ARHGAP24: variants seen among roughly 807,000 people sequenced by gnomAD.
ARHGAP24 encodes the protein Rho GTPase activating protein 24.
Under a neutral mutation model 76.4 loss-of-function variants are expected in ARHGAP24, and 50 were observed. The observed-to-expected ratio is 0.65, with a 90% CI of 0.52 to 0.83. The LOEUF is 0.83. Ranked by LOEUF, ARHGAP24 falls within the 40% of genes least tolerant of loss-of-function variation. ARHGAP24 has a pLI of 0.00. For synonymous variants in ARHGAP24, 345 were observed against 323.3 expected, an observed-to-expected ratio of 1.07 and a Z score of -0.72; for missense variants, 930 against 914.2, an observed-to-expected ratio of 1.02 and a Z score of -0.22.
intron 3 of ARHGAP24, among the ~76,000 whole-genome samples, chr4:85,914,559 T>A (rs1735265100): frequency 6.6e-6 from 1 of 152,220 alleles, no homozygotes. Flanking sequence ...TTATAGGGAA[T>A]ATAAAGTTCA....
chr4:85,502,689 T>C (rs1240289520), intron 1 of ARHGAP24, among the ~76,000 whole-genome samples: 2 of 152,156 alleles, frequency 1.3e-5, no homozygotes, highest in African/African-American at 4.8e-5. Flanking sequence ...ACTTCCTCTT[T>C]TCCTAATTGA....
intron 4 of ARHGAP24, chr4:85,931,046 G>T: frequency 6.2e-7 from 1 of 1,606,972 alleles, no homozygotes; most frequent in South Asian, 1.1e-5. Flanking sequence ...CGGAAAGGTA[G>T]GTAGATAATA....
At chr4:85,935,782 G>A (rs184554187) in intron 4 of ARHGAP24, among the ~76,000 whole-genome samples, 8 of 152,248 alleles carry the variant, frequency 5.3e-5, no homozygotes, top group Non-Finnish European at 1.0e-4. Flanking sequence ...TGCTCCAATG[G>A]TCAAAGACCT....
chr4:85,556,491 G>T (rs796212298), intron 1 of ARHGAP24, among the ~76,000 whole-genome samples: 2 of 152,128 alleles, frequency 1.3e-5, no homozygotes, highest in Admixed American at 6.5e-5. Context: ...CAGGCCCTTT[G>T]TTCCTTCCCC....
intron 1 of ARHGAP24, among the ~76,000 whole-genome samples, chr4:85,524,387 T>A (rs980494323): frequency 3.9e-5 from 6 of 152,160 alleles, no homozygotes; most frequent in Admixed American, 6.6e-5. Flanking sequence ...TTATGTAAAA[T>A]TTCTACCATT....
intron 8 of ARHGAP24, among the ~76,000 whole-genome samples, chr4:85,987,701 G>A (rs1049556286): frequency 1.3e-5 from 2 of 151,906 alleles, no homozygotes; most frequent in Non-Finnish European, 1.5e-5. Context: ...TAGCAGGTTA[G>A]GAGAAAACTT....
chr4:85,582,579 T>C (rs1727662201), intron 2 of ARHGAP24, among the ~76,000 whole-genome samples: 2 of 152,222 alleles, frequency 1.3e-5, no homozygotes, highest in East Asian at 3.9e-4. Context: ...ATTGTATGAG[T>C]AATTCATTTT....
chr4:85,506,913 G>C (rs1353929614), intron 1 of ARHGAP24, among the ~76,000 whole-genome samples: 2 of 152,068 alleles, frequency 1.3e-5, no homozygotes, highest in African/African-American at 4.8e-5. Flanking sequence ...CCCCCATGTG[G>C]AACTTAGAAA....
At chr4:85,506,494 T>A (rs958949668) in intron 1 of ARHGAP24, among the ~76,000 whole-genome samples, 3 of 152,138 alleles carry the variant, frequency 2.0e-5, no homozygotes, top group African/African-American at 7.2e-5. Context: ...TGCAGGTCAA[T>A]CTCATACTGC....
chr4:85,992,919 A>G (rs1338326263), intron 8 of ARHGAP24, among the ~76,000 whole-genome samples: 6 of 152,304 alleles, frequency 3.9e-5, no homozygotes, highest in African/African-American at 1.4e-4. Context: ...CTACGGTTTT[A>G]AATTGCAGCA....
At chr4:85,584,469 A>T (rs1365184371) in intron 2 of ARHGAP24, among the ~76,000 whole-genome samples, 1 of 151,478 alleles carries the variant, frequency 6.6e-6, no homozygotes, top group African/African-American at 2.4e-5. Context: ...GAGGGATAGC[A>T]TTAGGAGATA....
intron 3 of ARHGAP24, among the ~76,000 whole-genome samples, chr4:85,916,356 G>T (rs1735393440): frequency 6.6e-6 from 1 of 152,076 alleles, no homozygotes; most frequent in Non-Finnish European, 1.5e-5. Context: ...CTCCCATTCT[G>T]TAGGTTGCAT....
intron 9 of ARHGAP24, among the ~76,000 whole-genome samples, chr4:85,995,905 TC>T (rs1182989804): frequency 6.6e-6 from 1 of 152,184 alleles, no homozygotes; most frequent in Non-Finnish European, 1.5e-5. Flanking sequence ...ATTGAACATT[TC>T]CCTGGTACAG....
At chr4:85,556,055 G>C (rs1726348394) in intron 1 of ARHGAP24, among the ~76,000 whole-genome samples, 1 of 152,026 alleles carries the variant, frequency 6.6e-6, no homozygotes, top group African/African-American at 2.4e-5. Flanking sequence ...GAGAAACACA[G>C]AGCAACTGCT....
At chr4:85,816,635 T>C (rs993059503) in intron 3 of ARHGAP24, among the ~76,000 whole-genome samples, 1 of 152,222 alleles carries the variant, frequency 6.6e-6, no homozygotes, top group African/African-American at 2.4e-5. Flanking sequence ...TCATTTGGTA[T>C]ACATATATGT....
chr4:85,553,889 T>G (rs567934267), intron 1 of ARHGAP24, among the ~76,000 whole-genome samples: 1 of 152,330 alleles, frequency 6.6e-6, no homozygotes, highest in Admixed American at 6.5e-5. Flanking sequence ...AGACTTGTTT[T>G]TGTGGTTGTC....
intron 2 of ARHGAP24, among the ~76,000 whole-genome samples, chr4:85,573,169 G>T (rs962208582): frequency 2.6e-5 from 4 of 152,092 alleles, no homozygotes; most frequent in Middle Eastern, 3.2e-3. Context: ...GAGTCACTGC[G>T]CCCAGCCTTG....
At chr4:85,808,925 A>G (rs973988225) in intron 3 of ARHGAP24, among the ~76,000 whole-genome samples, 2 of 152,232 alleles carry the variant, frequency 1.3e-5, no homozygotes, top group Admixed American at 6.5e-5. Flanking sequence ...TCTGTGTTAC[A>G]TATGAACTGG....
At chr4:85,803,562 TG>T (rs538745812) in intron 3 of ARHGAP24, among the ~76,000 whole-genome samples, 51 of 152,342 alleles carry the variant, frequency 3.3e-4, no homozygotes, top group African/African-American at 1.2e-3. Flanking sequence ...TATTTCCTTA[TG>T]TTTTATGGGC....
Sources: gnomAD v4.1 joint callset for allele counts (sites outside exome capture counted in the v4.1 genomes callset) on GRCh38, gnomAD v4.1.1 for gene constraint, MANE v1.5 for transcripts, NCBI Gene and HGNC (gene_info 2026-07-23, HGNC 2026-07-21) for gene names.